The following APBA2 variants were observed in gnomAD, a reference collection of about 807,000 sequenced individuals.
The protein encoded by APBA2 is amyloid beta precursor protein binding family A member 2.
APBA2 carries 30 observed loss-of-function variants against 75.0 expected under a neutral mutation model. The ratio of observed to expected loss-of-function variants is 0.40; its 90% CI spans 0.30 to 0.54. The LOEUF (loss-of-function observed/expected upper bound fraction) is 0.54. APBA2 is among the 20% of genes least tolerant of loss of function. The pLI is 0.49. For synonymous variants in APBA2, 444 were observed against 409.6 expected, an observed-to-expected ratio of 1.08 and a Z score of -1.01; for missense variants, 801 against 1,016.1, an observed-to-expected ratio of 0.79 and a Z score of 2.88.
intron 6 of APBA2, among the ~76,000 whole-genome samples, chr15:29,090,036 A>G (rs2043482935): frequency 6.6e-6 from 1 of 151,532 alleles, no homozygotes; most frequent in African/African-American, 2.4e-5. Context: ...AATCTGATAT[A>G]CTCCCCACAC....
At chr15:28,904,429 T>G (rs1013542308) in intron 1 of APBA2, among the ~76,000 whole-genome samples, 2 of 152,248 alleles carry the variant, frequency 1.3e-5, no homozygotes, top group African/African-American at 4.8e-5. Flanking sequence ...ATAAATATCC[T>G]TGTAGTTGTG....
At chr15:28,930,580 CCTT>C (rs2034512726) in intron 2 of APBA2, among the ~76,000 whole-genome samples, 1 of 151,678 alleles carries the variant, frequency 6.6e-6, no homozygotes, top group Non-Finnish European at 1.5e-5. Context: ...CTGTGTGTCT[CCTT>C]CTTTCTTTCT....
chr15:29,086,945 C>T (rs2043315792), intron 6 of APBA2, among the ~76,000 whole-genome samples: 1 of 152,156 alleles, frequency 6.6e-6, no homozygotes, highest in Non-Finnish European at 1.5e-5. Flanking sequence ...TCTTCCCTTC[C>T]ACTATAGGTA....
chr15:28,913,888 G>A (rs1160760669), intron 1 of APBA2, among the ~76,000 whole-genome samples: 3 of 152,014 alleles, frequency 2.0e-5, no homozygotes, highest in Non-Finnish European at 4.4e-5. Context: ...GAGTAGCTTC[G>A]GCCCCTCCCT....
chr15:28,977,875 T>G (rs2037423276), intron 2 of APBA2, among the ~76,000 whole-genome samples: 1 of 152,132 alleles, frequency 6.6e-6, no homozygotes, highest in Non-Finnish European at 1.5e-5. Context: ...GTGGAGCAGT[T>G]GGACCCACAT....
chr15:28,969,605 T>C (rs1322452377), intron 2 of APBA2, among the ~76,000 whole-genome samples: 1 of 152,168 alleles, frequency 6.6e-6, no homozygotes, highest in Non-Finnish European at 1.5e-5. Flanking sequence ...TGTCCTGCTG[T>C]GTCACATGTG....
At position 28,985,515 on chromosome 15, in the gene APBA2, C is replaced by T. The variant is rs1297465819; in HGVS notation, c.-94-10238C>T. Among the ~76,000 whole-genome samples, 4 of 152,124 alleles carry T rather than the reference C, an allele frequency of 2.6e-5. No individual in the cohort carries two copies. The East Asian group carries it at 5.8e-4, about 22-fold the overall frequency. ...CGTGGGATGTGTGTATTAGGTGTTACGGTGATGTCTGTTGTCAGATCATGG... is the reference window on the plus strand; with the variant it reads ...CGTGGGATGTGTGTATTAGGTGTTATGGTGATGTCTGTTGTCAGATCATGG... On this transcript the variant is annotated intron_variant, in intron 2 of 14. Coordinates refer to ENST00000683413, the MANE Select transcript of APBA2 (RefSeq NM_001353788.2).
At chr15:29,085,352 C>T (rs982227877) in intron 6 of APBA2, among the ~76,000 whole-genome samples, 3 of 151,856 alleles carry the variant, frequency 2.0e-5, no homozygotes, top group Admixed American at 6.6e-5. Context: ...AGTGAAACCC[C>T]GTCTCTACTA....
chr15:28,950,829 A>G (rs1033673896), intron 2 of APBA2, among the ~76,000 whole-genome samples: 1 of 152,174 alleles, frequency 6.6e-6, no homozygotes, highest in Non-Finnish European at 1.5e-5. Flanking sequence ...TATTTATTCA[A>G]ACATTTACAT....
intron 4 of APBA2, among the ~76,000 whole-genome samples, chr15:29,069,558 G>A (rs963430773): frequency 3.9e-5 from 6 of 152,212 alleles, no homozygotes; most frequent in Admixed American, 6.5e-5. Context: ...TGGCCTCACC[G>A]CTTCAGCTCC....
chr15:29,015,671 C>G (rs1302366871), intron 3 of APBA2, among the ~76,000 whole-genome samples: 1 of 152,240 alleles, frequency 6.6e-6, no homozygotes, highest in South Asian at 2.1e-4. Context: ...ATTTCTTGCT[C>G]ATATGCTAAT....
Position 29,054,622 on chromosome 15 carries a change from T to G in APBA2, c.738T>G (p.Ser246Arg), listed in dbSNP as rs2041793087. 2 of 1,614,108 alleles carry G rather than the reference T, an allele frequency of 1.2e-6. No homozygotes were observed. Among genetic ancestry groups the G allele is most frequent in the Non-Finnish European group, 8.5e-7 (1 of 1,180,020 alleles). Residue 246 changes from serine (S) to arginine (R), a missense_variant, in exon 4 of 15, where the codon AGT becomes AGG. Coordinates refer to ENST00000683413, the MANE Select transcript of APBA2 (RefSeq NM_001353788.2). This position sits in a 1 kb window ranked among gnomAD's most constrained non-coding sequence, Gnocchi z 6.1. The stretch of plus-strand genomic sequence containing the variant: ...GCATGACCAGCATCACCAGCGCCAG[T>G]GAGGCCAGCCCCGAGCATGGGCCTG... ...SLSMTSITSASEASPEHGPEP... is the reference protein window; with the variant it reads ...SLSMTSITSAREASPEHGPEP...
intron 2 of APBA2, among the ~76,000 whole-genome samples, chr15:28,955,809 C>T (rs1235148269): frequency 1.3e-5 from 2 of 152,202 alleles, no homozygotes; most frequent in Admixed American, 6.5e-5. Flanking sequence ...CGGGCCAAGG[C>T]CTTGGGCCAG....
At chr15:28,977,701 C>G (rs1335705223) in intron 2 of APBA2, among the ~76,000 whole-genome samples, 1 of 152,184 alleles carries the variant, frequency 6.6e-6, no homozygotes, top group Non-Finnish European at 1.5e-5. Flanking sequence ...AAGTGAGCCA[C>G]CCTCCCAATG....
At chr15:29,057,576 C>T (rs1021775977) in intron 4 of APBA2, among the ~76,000 whole-genome samples, 5 of 152,186 alleles carry the variant, frequency 3.3e-5, no homozygotes, top group African/African-American at 1.2e-4. Context: ...ACGTAGCTGT[C>T]ATCATAACCC....
intron 11 of APBA2, 65 bp from the exon 12 acceptor site, chr15:29,106,542 T>A: frequency 6.4e-7 from 1 of 1,566,978 alleles, no homozygotes; most frequent in Non-Finnish European, 8.8e-7. Context: ...CATCCTCCTG[T>A]GGGTCCTTGG....
At chr15:28,957,227 C>A (rs975465340) in intron 2 of APBA2, among the ~76,000 whole-genome samples, 3 of 142,484 alleles carry the variant, frequency 2.1e-5, no homozygotes, top group African/African-American at 3.0e-5. Flanking sequence ...CGCCCGCCAC[C>A]GTGCCTGGCT....
At chr15:28,977,258 C>G (rs549666050) in intron 2 of APBA2, 1 of 152,014 alleles carries the variant, frequency 6.6e-6, no homozygotes, top group Non-Finnish European at 1.5e-5. Flanking sequence ...GCTCTCACAT[C>G]GGGGAGAGAG....
intron 1 of APBA2, among the ~76,000 whole-genome samples, chr15:28,905,529 T>G (rs1362153756): frequency 1.3e-5 from 2 of 152,162 alleles, no homozygotes; most frequent in Non-Finnish European, 2.9e-5. Flanking sequence ...CCAGAGCTAG[T>G]CATTAAATAG....
Sources: allele counts gnomAD v4.1 joint callset (sites outside exome capture counted in the v4.1 genomes callset), GRCh38; gene constraint gnomAD v4.1.1; non-coding constraint Gnocchi (gnomAD v3.1); transcripts MANE v1.5; gene names NCBI Gene and HGNC (gene_info 2026-07-23, HGNC 2026-07-21).